The following TMEM138 variants were observed in gnomAD, a reference collection of about 807,000 sequenced individuals.
The protein encoded by TMEM138 is transmembrane protein 138.
A neutral mutation model predicts 18.1 loss-of-function variants in TMEM138; 9 were observed. The observed-to-expected ratio is 0.50, with a 90% CI of 0.30 to 0.87. TMEM138 has a LOEUF of 0.87. Ranked by LOEUF, TMEM138 falls within the 40% of genes least tolerant of loss-of-function variation. TMEM138 has a pLI of 0.06. For synonymous variants in TMEM138, 79 were observed against 74.8 expected (o/e 1.06, Z -0.29); for missense variants, 189 against 190.6 (o/e 0.99, Z 0.05).
chr11:61,374,631 T>G (rs1858411598), downstream of TMEM138, among the ~76,000 whole-genome samples: 1 of 152,196 alleles, frequency 6.6e-6, no homozygotes, highest in South Asian at 2.1e-4. Context: ...TTTGGTCCTC[T>G]TTAGAAGGTG....
chr11:61,363,673 G>A (rs1858026787), intron 1 of TMEM138: 1 of 152,142 alleles, frequency 6.6e-6, no homozygotes, highest in African/African-American at 2.4e-5. Flanking sequence ...CTTCTTTGCT[G>A]GCATTTTTCC....
chr11:61,362,796 T>G (rs1336752365), intron 1 of TMEM138: 1 of 152,296 alleles, frequency 6.6e-6, no homozygotes, highest in African/African-American at 2.4e-5. Flanking sequence ...ACTTGAGACC[T>G]GGAGGAATGC....
chr11:61,362,581 A>ATACTGCCCT (rs1199942646), intron 1 of TMEM138, 161 bp downstream of exon 1: 1 of 152,200 alleles, frequency 6.6e-6, no homozygotes, highest in Non-Finnish European at 1.5e-5. Context: ...GTACAAAGGG[A>ATACTGCCCT]AGGCGGCAGG....
rs893514419 is a variant in TMEM138 at position 61,366,114 on chromosome 11, C to A, written c.198C>A (p.Phe66Leu). 6.2e-7 allele frequency: 1 copy of A among 1,614,228 alleles called. No homozygotes were observed. The highest frequency in any genetic ancestry group is 8.5e-7 in the Non-Finnish European group (1 of 1,180,030). The change falls in exon 3 of 5, where the codon TTC becomes TTA. Residue 66 changes from phenylalanine (F) to leucine (L), a missense_variant. Phe to Leu is a conservative substitution (Grantham distance 22). Transcript: ENST00000278826. ...IFLMFFNTFV[F>L]QAGLVNLLFH... ...TCATGTTCTTCAACACCTTCGTCTT[C>A]CAGGCTGGCCTGGTCAACCTCCTAT...
intron 4 of TMEM138, 153 bp from the exon 5 acceptor site, chr11:61,368,444 G>C: frequency 1.7e-6 from 1 of 588,630 alleles, no homozygotes; most frequent in East Asian, 2.9e-5. Context: ...AGCCAGGATG[G>C]TCTCGATCTC....
rs1023524775 is a variant in TMEM138 at position 61,366,389 on chromosome 11, G to T, written c.300+173G>T. On this transcript the variant is annotated intron_variant, in intron 3 of 4. Coordinates refer to ENST00000278826, the MANE Select transcript of TMEM138 (RefSeq NM_016464.5). The stretch of plus-strand genomic sequence containing the variant: ...GCCTCCCAAAGTGCTGGAATTACAG[G>T]CATGAGTCACTGTGCCCGGCCTGAA... 1.9e-5 allele frequency: 13 copies of T among 672,820 alleles called. No individual in the cohort carries two copies. The East Asian group carries it at 3.9e-4, about 20-fold the overall frequency. The allele number at this position is 672,820 out of a possible 1,614,324, so 41.7% of individuals were successfully genotyped here. A position where few individuals can be genotyped will look rare whatever the true frequency, so the allele number is the denominator to read the frequency against.
downstream of TMEM138, among the ~76,000 whole-genome samples, chr11:61,374,330 T>A (rs1028247299): frequency 2.6e-5 from 4 of 151,722 alleles, no homozygotes; most frequent in Non-Finnish European, 5.9e-5. Context: ...GTATTTTTTT[T>A]AGTAAAGACA....
At chr11:61,370,156 G>A (rs1461644284), downstream of TMEM138, among the ~76,000 whole-genome samples, 2 of 152,322 alleles carry the variant, frequency 1.3e-5, no homozygotes, top group Middle Eastern at 3.4e-3. Flanking sequence ...AATTGACCTC[G>A]GGTAGGGTAG....
chr11:61,368,450 A>G lies in TMEM138; in HGVS notation c.377-147A>G, dbSNP rs2135164738. The G allele has an allele frequency of 8.4e-6, 5 of 597,592 alleles. No homozygotes were observed. The East Asian group carries it at 1.2e-4, about 14-fold the overall frequency. 37.0% of individuals were successfully genotyped at this position (597,592 alleles called of 1,614,324 possible). On this transcript the variant is annotated intron_variant, in intron 4 of 4. Coordinates refer to ENST00000278826, the MANE Select transcript of TMEM138 (RefSeq NM_016464.5). ...CACCGTGTTAGCCAGGATGGTCTCGATCTCTGACCTCATGATCCGCCTGCC... is the reference window on the plus strand; with the variant it reads ...CACCGTGTTAGCCAGGATGGTCTCGGTCTCTGACCTCATGATCCGCCTGCC...
chr11:61,364,564 A>G (rs969396539), intron 2 of TMEM138, 46 bp downstream of exon 2: 3 of 1,611,292 alleles, frequency 1.9e-6, no homozygotes, highest in Non-Finnish European at 2.5e-6. Flanking sequence ...ACGCAATTCA[A>G]AGGCCCTGAC....
At chr11:61,371,991 CGTG>C (rs1565082149), downstream of TMEM138, among the ~76,000 whole-genome samples, 1 of 151,886 alleles carries the variant, frequency 6.6e-6, no homozygotes. Flanking sequence ...GCCTGGCCAA[CGTG>C]GTGAAACCCT....
In TMEM138 at chr11:61,364,433, T is replaced by C; in HGVS notation, c.43T>C (p.Phe15Leu). Residue 15 changes from phenylalanine to leucine, a missense_variant, in exon 2 of 5, where the codon TTC (phenylalanine) becomes CTC (leucine). Transcript: ENST00000278826. Reference protein sequence around the residue: ...SNYSLVLSLQFLLLSYDLFVN... With the variant: ...SNYSLVLSLQLLLLSYDLFVN... The stretch of plus-strand genomic sequence containing the variant: ...CTACAGCCTGGTGCTCTCTCTGCAG[T>C]TCCTGCTGCTGTCCTATGACCTCTT... 1.2e-6 allele frequency: 2 copies of C among 1,614,232 alleles called. No individual in the cohort carries two copies. Among genetic ancestry groups the C allele is most frequent in the African/African-American group, 1.3e-5 (1 of 75,066 alleles).
intron 4 of TMEM138, 85 bp from the exon 5 acceptor site, chr11:61,368,512 C>T: frequency 1.1e-6 from 1 of 884,082 alleles, no homozygotes; most frequent in Non-Finnish European, 1.8e-6. Context: ...AGGCGTGAGC[C>T]ACCACGCCTG....
In TMEM138 at chr11:61,368,917, C is replaced by T. The variant is rs914680582; in HGVS notation, c.*208C>T. 3 of 572,662 alleles carry T rather than the reference C, an allele frequency of 5.2e-6. No individual in the cohort carries two copies. The African/African-American group carries it at 5.6e-5, about 11-fold the overall frequency. 35.5% of individuals were successfully genotyped at this position (572,662 alleles called of 1,614,324 possible). A position where few individuals can be genotyped will look rare whatever the true frequency, so the allele number is the denominator to read the frequency against. On this transcript the variant is annotated 3_prime_UTR_variant, in exon 5 of 5. Coordinates refer to ENST00000278826, the MANE Select transcript of TMEM138 (RefSeq NM_016464.5). ...TCTCCAGTGCGGCATCCCTTCCTTGCCTTCTACCTCTGTTCCACCCCCTTT... is the reference window on the plus strand; with the variant it reads ...TCTCCAGTGCGGCATCCCTTCCTTGTCTTCTACCTCTGTTCCACCCCCTTT...
chr11:61,368,366 C>T, intron 4 of TMEM138: 1 of 511,204 alleles, frequency 2.0e-6, no homozygotes, highest in South Asian at 2.0e-5. Flanking sequence ...GCTGGGACTA[C>T]AGGCGCCCGC....
intron 2 of TMEM138, 87 bp from the exon 3 acceptor site, chr11:61,365,958 G>C: frequency 6.7e-7 from 1 of 1,488,864 alleles, no homozygotes; most frequent in Middle Eastern, 1.8e-4. Context: ...ACAAAGGACA[G>C]GCCTCGTGGT....
downstream of TMEM138, among the ~76,000 whole-genome samples, chr11:61,373,559 T>C (rs1356078368): frequency 2.0e-4 from 30 of 152,116 alleles, no homozygotes; most frequent in Admixed American, 1.9e-3. Context: ...AATGAATGAC[T>C]TATTTAACAA....
Position 61,368,595 on chromosome 11 carries a change from A to G in TMEM138, c.377-2A>G, listed in dbSNP as rs1307341228. The G allele has an allele frequency of 6.2e-7, 1 of 1,607,244 alleles. No homozygotes were observed. The highest frequency in any genetic ancestry group is 1.7e-5 in the Admixed American group (1 of 60,000). ...GGCTTCTCTTCTGCTTCCTCCCCACAGCAGCAGTGTTGTACTGCTACTTCT... is the reference window on the plus strand; with the variant it reads ...GGCTTCTCTTCTGCTTCCTCCCCACGGCAGCAGTGTTGTACTGCTACTTCT... On this transcript the variant is annotated splice_acceptor_variant, in intron 4 of 4. Transcript: ENST00000278826. LOFTEE classifies it high-confidence loss of function.
At chr11:61,372,692 A>G (rs1445896198), downstream of TMEM138, among the ~76,000 whole-genome samples, 1 of 152,080 alleles carries the variant, frequency 6.6e-6, no homozygotes, top group Admixed American at 6.5e-5. Context: ...AGGCTGAGGC[A>G]GAAGAATGGT....
Sources: gnomAD v4.1 joint callset for allele counts (sites outside exome capture counted in the v4.1 genomes callset) on GRCh38, gnomAD v4.1.1 for gene constraint, MANE v1.5 for transcripts, NCBI Gene and HGNC (gene_info 2026-07-23, HGNC 2026-07-21) for gene names.